The following IFNLR1 variants were observed in gnomAD, a reference collection of about 807,000 sequenced individuals.
IFNLR1 encodes CRF2-12.
IFNLR1 carries 28 observed loss-of-function variants against 52.5 expected under a neutral mutation model. The observed-to-expected ratio is 0.53, with a 90% CI of 0.40 to 0.73. The LOEUF is 0.73. Among genes scored for constraint, IFNLR1 ranks in the 30% least tolerant of loss-of-function variants. The probability of loss-of-function intolerance (pLI) is 0.00; values close to 1 mark genes in which losing one functional copy is unlikely to be tolerated. For synonymous variants in IFNLR1, 276 were observed against 274.9 expected (o/e 1.00, Z -0.04); for missense variants, 623 against 659.1 (o/e 0.95, Z 0.60).
At chr1:24,161,132 G>A (rs1241716166) in intron 4 of IFNLR1, among the ~76,000 whole-genome samples, 5 of 152,138 alleles carry the variant, frequency 3.3e-5, no homozygotes, top group Admixed American at 6.5e-5. Flanking sequence ...GCGAACATAC[G>A]GCCCATGAAG....
intron 2 of IFNLR1, among the ~76,000 whole-genome samples, chr1:24,174,740 G>A (rs568715999): frequency 6.6e-6 from 1 of 152,294 alleles, no homozygotes; most frequent in East Asian, 1.9e-4. Flanking sequence ...GCAAAGTGCT[G>A]AAGGTACAAC....
At chr1:24,183,961 C>G (rs1020153467) in intron 1 of IFNLR1, among the ~76,000 whole-genome samples, 1 of 152,166 alleles carries the variant, frequency 6.6e-6, no homozygotes, top group South Asian at 2.1e-4. Flanking sequence ...AACTCCTGAC[C>G]TCAGGTGATC....
chr1:24,166,630 T>A (rs1177864297), intron 3 of IFNLR1, among the ~76,000 whole-genome samples: 3 of 152,150 alleles, frequency 2.0e-5, no homozygotes, highest in African/African-American at 7.2e-5. Context: ...CACTGCAGCC[T>A]TGACCTCCTG....
intron 4 of IFNLR1, among the ~76,000 whole-genome samples, chr1:24,160,824 C>A (rs1644434518): frequency 6.6e-6 from 1 of 151,962 alleles, no homozygotes; most frequent in South Asian, 2.1e-4. Context: ...GCTTCCTGGG[C>A]TCGAGCGATC....
At chr1:24,164,600 A>G (rs1236583809) in intron 3 of IFNLR1, among the ~76,000 whole-genome samples, 1 of 152,164 alleles carries the variant, frequency 6.6e-6, no homozygotes, top group Admixed American at 6.5e-5. Flanking sequence ...TCAGCTTCCT[A>G]GAAGTCCCCT....
chr1:24,172,817 C>T (rs760029279), intron 2 of IFNLR1, among the ~76,000 whole-genome samples: 3 of 152,110 alleles, frequency 2.0e-5, no homozygotes, highest in Non-Finnish European at 2.9e-5. Flanking sequence ...AAGGCATCAG[C>T]AGGTTTGGTT....
intron 1 of IFNLR1, among the ~76,000 whole-genome samples, chr1:24,185,570 C>T (rs1414365236): frequency 6.6e-6 from 1 of 152,186 alleles, no homozygotes; most frequent in Admixed American, 6.6e-5. Context: ...ACCTTCTAGA[C>T]CCAAAAGTGG....
In IFNLR1 at chr1:24,162,121, A is replaced by G. The variant is rs181191238; in HGVS notation, c.368-437T>C. ...CTAGGTCAGAAGTCCAGGTGGGCTC[A>G]GCTGGTTCCTCCGCTCTGGGTCTCA... On this transcript the variant is annotated intron_variant, in intron 3 of 6. Transcript: ENST00000327535. Among the ~76,000 whole-genome samples the G allele has an allele frequency of 2.1e-3, 327 of 152,374 alleles. 2 individuals carry two copies. The highest frequency in any genetic ancestry group is 6.7e-3 in the African/African-American group (279 of 41,588).
chr1:24,162,792 C>CT (rs1557644005), intron 3 of IFNLR1, among the ~76,000 whole-genome samples: 3 of 63,422 alleles, frequency 4.7e-5, no homozygotes. Context: ...CTTTCTTTTT[C>CT]TTTCTTTCTT....
chr1:24,180,815 A>G lies in IFNLR1; in HGVS notation c.98T>C (p.Leu33Pro). Residue 33 changes from leucine (L) to proline (P), a missense_variant, in exon 2 of 7, where the codon CTC (leucine) becomes CCC (proline). Physicochemically the swap from Leu to Pro is moderately conservative, Grantham distance 98 (BLOSUM62 -3). Coordinates refer to ENST00000327535, the MANE Select transcript of IFNLR1 (RefSeq NM_170743.4). ...RLAPPQNVTL[L>P]SQNFSVYLTW... The stretch of plus-strand genomic sequence containing the variant: ...CAGGTACACGCTGAAGTTCTGGGAG[A>G]GCAGCGTCACATTCTGGGGAGGGGC... 1 of 1,613,752 alleles carries G rather than the reference A, an allele frequency of 6.2e-7. No homozygotes were observed. The highest frequency in any genetic ancestry group is 8.5e-7 in the Non-Finnish European group (1 of 1,179,842).
At chr1:24,167,993 G>T (rs1004742624) in intron 3 of IFNLR1, among the ~76,000 whole-genome samples, 2 of 152,080 alleles carry the variant, frequency 1.3e-5, no homozygotes, top group Admixed American at 6.6e-5. Context: ...CACCGCGCCC[G>T]GCTGGCCTCC....
chr1:24,182,346 C>G (rs1644699666), intron 1 of IFNLR1, among the ~76,000 whole-genome samples: 1 of 152,310 alleles, frequency 6.6e-6, no homozygotes, highest in African/African-American at 2.4e-5. Context: ...GCCCTTGTCC[C>G]AAGGTGGATG....
chr1:24,157,574 A>G lies in IFNLR1; in HGVS notation c.1119T>C (p.Pro373=), dbSNP rs749138239. ...CAGAGGAGCCTTCGCTTGGGACCAG[A>G]GGAGCCCTGGGCCTCCCTGAGTCCA... ...GGVDSGRPRA[P]LVPSEGSSAW... Residue 373 remains proline (P), a synonymous_variant, in exon 7 of 7, where the codon CCT becomes CCC. Coordinates refer to ENST00000327535, the MANE Select transcript of IFNLR1 (RefSeq NM_170743.4). The surrounding 1 kb of genome is among the most constrained non-coding windows in gnomAD (Gnocchi z 5.1). 9.9e-6 allele frequency: 16 copies of G among 1,612,110 alleles called. No homozygotes were observed. The highest frequency in any genetic ancestry group is 1.3e-5 in the Non-Finnish European group (15 of 1,179,124).
At chr1:24,166,608 A>G (rs186153348) in intron 3 of IFNLR1, among the ~76,000 whole-genome samples, 16 of 152,244 alleles carry the variant, frequency 1.1e-4, no homozygotes, top group Middle Eastern at 6.8e-3. Context: ...ATTCAATGGA[A>G]CAATCATGGC....
In IFNLR1 at chr1:24,181,951, C is replaced by T. The variant is rs553179244; in HGVS notation, c.59-1097G>A. 3.3e-5 allele frequency among the ~76,000 whole-genome samples: 5 copies of T among 152,246 alleles called. No individual in the cohort carries two copies. In the East Asian group the frequency reaches 9.7e-4, roughly 29 times the overall value. On this transcript the variant is annotated intron_variant, in intron 1 of 6. Coordinates refer to ENST00000327535, the MANE Select transcript of IFNLR1 (RefSeq NM_170743.4). ...CAGTGGCTCAAGCCTGTAATCCCAGCACTTTGGGAGGTCAAGGTGGGCAGA... is the reference window on the plus strand; with the variant it reads ...CAGTGGCTCAAGCCTGTAATCCCAGTACTTTGGGAGGTCAAGGTGGGCAGA...
At chr1:24,186,664 A>AAACAACAACAAC (rs57142907) in intron 1 of IFNLR1, among the ~76,000 whole-genome samples, 5 of 151,360 alleles carry the variant, frequency 3.3e-5, no homozygotes, top group African/African-American at 1.2e-4. Flanking sequence ...AGAGGTGGGA[A>AAACAACAACAAC]AACAACAACA....
intron 3 of IFNLR1, among the ~76,000 whole-genome samples, chr1:24,163,388 T>C (rs1274351067): frequency 6.6e-6 from 1 of 152,192 alleles, no homozygotes; most frequent in Non-Finnish European, 1.5e-5. Context: ...GATGATTAAA[T>C]GTCAACAGGA....
chr1:24,174,677 A>G (rs1424915655), intron 2 of IFNLR1, among the ~76,000 whole-genome samples: 1 of 152,236 alleles, frequency 6.6e-6, no homozygotes, highest in Admixed American at 6.5e-5. Context: ...ATAAATAACA[A>G]AAAGATAATT....
In IFNLR1 at chr1:24,159,594, T is replaced by A. The variant is rs764664375; in HGVS notation, c.550A>T (p.Ile184Phe). The change falls in exon 5 of 7, where the codon ATC becomes TTC. Residue 184 changes from isoleucine (I) to phenylalanine (F), a missense_variant. Coordinates refer to ENST00000327535, the MANE Select transcript of IFNLR1 (RefSeq NM_170743.4). ...PVTPHGQPVQ[I>F]TLQPAASEHH... ...TCGCTGGCAGCTGGCTGGAGAGTGA[T>A]CTGGACTGGCTGGCCATGGGGAGTG... 2.5e-6 allele frequency: 4 copies of A among 1,613,944 alleles called. No homozygotes were observed. The highest frequency in any genetic ancestry group is 3.4e-6 in the Non-Finnish European group (4 of 1,179,992).
Sources: allele counts gnomAD v4.1 joint callset (sites outside exome capture counted in the v4.1 genomes callset), GRCh38; gene constraint gnomAD v4.1.1; non-coding constraint Gnocchi (gnomAD v3.1); transcripts MANE v1.5; gene names NCBI Gene and HGNC (gene_info 2026-07-23, HGNC 2026-07-21).